The following MIOS variants were observed in gnomAD, a reference collection of about 807,000 sequenced individuals.
The protein encoded by MIOS is GATOR2 complex protein MIOS.
A neutral mutation model predicts 96.9 loss-of-function variants in MIOS; 52 were observed. The observed-to-expected ratio is 0.54, with a 90% CI of 0.43 to 0.68. MIOS has a LOEUF of 0.68. Ranked by LOEUF, MIOS falls within the 30% of genes least tolerant of loss-of-function variation. MIOS has a pLI of 0.00. For missense variants in MIOS, 1,005 were observed against 1,052.8 expected (o/e 0.95, Z 0.63); for synonymous variants, 397 against 359.5 (o/e 1.10, Z -1.18).
Position 7,573,129 on chromosome 7 carries a change from A to G in MIOS, c.654A>G (p.Gln218=). 1.2e-6 allele frequency: 2 copies of G among 1,614,128 alleles called. No homozygotes were observed. The highest frequency in any genetic ancestry group is 1.7e-5 in the Admixed American group (1 of 60,018). The part of the protein sequence containing the change: ...LAIFDLRNTS[Q]KMFVNTKAVQ... The stretch of plus-strand genomic sequence containing the variant: ...TATTTGATCTTCGGAATACAAGCCA[A>G]AAGATGTTCGTAAATACAAAAGCTG... The change falls in exon 4 of 13, where the codon CAA becomes CAG. Residue 218 remains glutamine, a synonymous_variant. Coordinates refer to ENST00000340080, the MANE Select transcript of MIOS (RefSeq NM_019005.4). This position sits in a 1 kb window ranked among gnomAD's most constrained non-coding sequence, Gnocchi z 5.0.
chr7:7,585,793 C>T lies in MIOS; in HGVS notation c.1806C>T (p.Tyr602=), dbSNP rs753530687. 8 of 1,605,028 alleles carry T rather than the reference C, an allele frequency of 5.0e-6. No individual in the cohort carries two copies. The highest frequency in any genetic ancestry group is 1.7e-4 in the Middle Eastern group (1 of 6,060). Reference sequence around the variant, plus strand: ...TTCTGACAAGTGAAACAGGATCTTACGATGGAGTTTTGGTAAGCTAACTTG... The same window carrying T: ...TTCTGACAAGTGAAACAGGATCTTATGATGGAGTTTTGGTAAGCTAACTTG... The part of the protein sequence containing the change: ...FAFLTSETGS[Y]DGVLYENKVA... The change falls in exon 7 of 13, where the codon TAC becomes TAT. Residue 602 remains tyrosine, a synonymous_variant. Coordinates refer to ENST00000340080, the MANE Select transcript of MIOS (RefSeq NM_019005.4).
chr7:7,595,113 G>A lies in MIOS; in HGVS notation c.2177G>A (p.Ser726Asn), dbSNP rs201081552. 2.5e-6 allele frequency: 4 copies of A among 1,612,956 alleles called. No homozygotes were observed. The change falls in exon 10 of 13, where the codon AGT (serine) becomes AAT (asparagine). Residue 726 changes from serine to asparagine, a missense_variant. This residue lies in a region of MIOS where 865 missense variants were observed against 887.9 expected (regional missense o/e 0.97). Transcript: ENST00000340080. ...ATTCACAGGAGTAAGTTGGATCCCA[G>A]TTCCAAGCCTTTAGCACAAGTAAGT... ...FDIHRSKLDPSSKPLAQVFVS... is the reference protein window; with the variant it reads ...FDIHRSKLDPNSKPLAQVFVS...
At chr7:7,585,539 A>G in intron 6 of MIOS, 97 bp from the exon 7 acceptor site, 1 of 1,136,904 alleles carries the variant, frequency 8.8e-7, no homozygotes. Flanking sequence ...TTCTGAGGGT[A>G]AAAGTCACCC....
At position 7,596,576 on chromosome 7, in the gene MIOS, G is replaced by T. The variant is rs878986766; in HGVS notation, c.2401+115G>T. Reference sequence around the variant, plus strand: ...GAGTTATTATTTCTAAGAAAGGGCAGTTTACTAGCTTGAAGGCTTTTATGT... The same window carrying T: ...GAGTTATTATTTCTAAGAAAGGGCATTTTACTAGCTTGAAGGCTTTTATGT... On this transcript the variant is annotated intron_variant, in intron 11 of 12. Transcript: ENST00000340080. 4.5e-5 allele frequency: 46 copies of T among 1,016,026 alleles called. No individual in the cohort carries two copies. The South Asian group carries it at 7.0e-4, about 15-fold the overall frequency. 62.9% of individuals were successfully genotyped at this position (1,016,026 alleles called of 1,614,324 possible). A position where few individuals can be genotyped will look rare whatever the true frequency, so the allele number is the denominator to read the frequency against.
chr7:7,606,566 G>A (rs1784537007), intron 12 of MIOS, among the ~76,000 whole-genome samples: 1 of 152,242 alleles, frequency 6.6e-6, no homozygotes, highest in South Asian at 2.1e-4. Flanking sequence ...TACCCAGTTT[G>A]TCTTACTAGC....
chr7:7,572,452 G>T lies in MIOS; in HGVS notation c.-24G>T. 2 of 1,562,584 alleles carry T rather than the reference G, an allele frequency of 1.3e-6. No individual in the cohort carries two copies. The highest frequency in any genetic ancestry group is 1.7e-4 in the Middle Eastern group (1 of 5,890). On this transcript the variant is annotated 5_prime_UTR_variant, in exon 4 of 13. Transcript: ENST00000340080. The surrounding 1 kb of genome is among the most constrained non-coding windows in gnomAD (Gnocchi z 4.8). Reference sequence around the variant, plus strand: ...CATTTTCAGTGAATGGACCTGAGTGGACCCTTTGATCACATCAGTAAACAT... The same window carrying T: ...CATTTTCAGTGAATGGACCTGAGTGTACCCTTTGATCACATCAGTAAACAT...
At chr7:7,593,891 A>AG (rs1784122754) in intron 9 of MIOS, among the ~76,000 whole-genome samples, 1 of 104,254 alleles carries the variant, frequency 9.6e-6, no homozygotes, top group African/African-American at 3.6e-5. Context: ...AAAAAAAAAA[A>AG]AAAAGAAAAA....
rs1183923359 is a variant in MIOS at position 7,608,223 on chromosome 7, G to A, written c.*1131G>A. On this transcript the variant is annotated 3_prime_UTR_variant, in exon 13 of 13. Coordinates refer to ENST00000340080, the MANE Select transcript of MIOS (RefSeq NM_019005.4). The stretch of plus-strand genomic sequence containing the variant: ...TAAGAGAAATACAAAGAATTTACAA[G>A]ATGCTTCTCTGTCATCTGCCATATG... 6.6e-6 allele frequency: 1 copy of A among 151,874 alleles called. No individual in the cohort carries two copies. Among genetic ancestry groups the A allele is most frequent in the Non-Finnish European group, 1.5e-5 (1 of 67,948 alleles). The allele number at this position is 151,874 out of a possible 1,614,324, so 9.4% of individuals were successfully genotyped here. A position where few individuals can be genotyped will look rare whatever the true frequency, so the allele number is the denominator to read the frequency against.
At chr7:7,594,691 C>T (rs1444745955) in intron 9 of MIOS, among the ~76,000 whole-genome samples, 2 of 152,136 alleles carry the variant, frequency 1.3e-5, no homozygotes, top group Non-Finnish European at 2.9e-5. Context: ...TTACAACATT[C>T]AACCACGAAG....
chr7:7,581,528 A>G (rs1263096001), intron 5 of MIOS, among the ~76,000 whole-genome samples: 3 of 152,166 alleles, frequency 2.0e-5, no homozygotes, highest in Admixed American at 6.5e-5. Flanking sequence ...GAGAGTCTCA[A>G]AAAGGCTAAC....
intron 3 of MIOS, among the ~76,000 whole-genome samples, chr7:7,571,215 C>T (rs1252127236): frequency 6.6e-6 from 1 of 152,208 alleles, no homozygotes; most frequent in African/African-American, 2.4e-5. Flanking sequence ...CTGTTAGAAA[C>T]AGGCATTTAA....
intron 11 of MIOS, chr7:7,605,661 A>G (rs114049976): frequency 2.5e-3 from 608 of 244,554 alleles, no homozygotes; most frequent in African/African-American, 0.013. Context: ...CCTTGTGGAA[A>G]GATTTTAAAC....
At chr7:7,579,591 A>G (rs1356929627) in intron 5 of MIOS, among the ~76,000 whole-genome samples, 1 of 152,194 alleles carries the variant, frequency 6.6e-6, no homozygotes, top group Non-Finnish European at 1.5e-5. Flanking sequence ...CCTGGGCCAC[A>G]ATGGAAGAAT....
chr7:7,572,020 A>G lies in MIOS; in HGVS notation c.-40-416A>G, dbSNP rs1163599176. ...CATGAAACATTTCTGTCATTGCAGA[A>G]AGTTTTATTGGGCAGTGCTGCTTTA... On this transcript the variant is annotated intron_variant, in intron 3 of 12. Transcript: ENST00000340080. The surrounding 1 kb of genome is among the most constrained non-coding windows in gnomAD (Gnocchi z 4.8). Among the ~76,000 whole-genome samples the G allele has an allele frequency of 6.6e-6, 1 of 152,248 alleles. No individual in the cohort carries two copies. The highest frequency in any genetic ancestry group is 1.5e-5 in the Non-Finnish European group (1 of 68,038).
At chr7:7,592,981 G>A (rs149000758) in intron 9 of MIOS, among the ~76,000 whole-genome samples, 2,627 of 152,200 alleles carry the variant, frequency 0.017, 24 homozygotes, top group Non-Finnish European at 0.027. Flanking sequence ...TTCTGATTTG[G>A]TCAGACTCAA....
chr7:7,584,926 G>A (rs898119567), intron 6 of MIOS, among the ~76,000 whole-genome samples: 3 of 152,136 alleles, frequency 2.0e-5, no homozygotes, highest in Non-Finnish European at 2.9e-5. Context: ...TTGCAAATGG[G>A]TCTAAATGCA....
Position 7,592,887 on chromosome 7 carries a change from T to C in MIOS, c.2044-2093T>C, listed in dbSNP as rs77955530. On this transcript the variant is annotated intron_variant, in intron 9 of 12. Transcript: ENST00000340080. Reference sequence around the variant, plus strand: ...ACCAGGCTGTGGACCTGGGGGTATATTGGGGGTTGGAGCCCCCTGGTTTAC... The same window carrying C: ...ACCAGGCTGTGGACCTGGGGGTATACTGGGGGTTGGAGCCCCCTGGTTTAC... Among the ~76,000 whole-genome samples, 1,079 of 152,316 alleles carry C rather than the reference T, an allele frequency of 7.1e-3. 8 individuals carry two copies. Among genetic ancestry groups the C allele is most frequent in the Non-Finnish European group, 0.012 (795 of 68,030 alleles).
At chr7:7,597,846 G>A (rs1784262334) in intron 11 of MIOS, among the ~76,000 whole-genome samples, 1 of 151,938 alleles carries the variant, frequency 6.6e-6, no homozygotes, top group Non-Finnish European at 1.5e-5. Context: ...CCAAGTAGCT[G>A]GGACCATAGG....
At chr7:7,606,320 A>G (rs1158041530) in intron 12 of MIOS, among the ~76,000 whole-genome samples, 1 of 152,224 alleles carries the variant, frequency 6.6e-6, no homozygotes, top group Non-Finnish European at 1.5e-5. Context: ...TTTGAATAAC[A>G]TTATTTAACT....
Sources: gnomAD v4.1 joint callset for allele counts (sites outside exome capture counted in the v4.1 genomes callset) on GRCh38, gnomAD v4.1.1 for gene constraint, gnomAD v4.1.1 regional missense constraint, Gnocchi (gnomAD v3.1) non-coding constraint, MANE v1.5 for transcripts, NCBI Gene and HGNC (gene_info 2026-07-23, HGNC 2026-07-21) for gene names.